ZNF627: variants seen among roughly 807,000 people sequenced by gnomAD.
The protein encoded by ZNF627 is zinc finger protein 627.
In ZNF627, 12 loss-of-function variants were observed where a neutral mutation model predicts 10.6. The observed-to-expected ratio is 1.13, with a 90% CI of 0.73 to 1.84. The LOEUF (loss-of-function observed/expected upper bound fraction) is 1.84. Ranked by LOEUF, ZNF627 falls within the 40% of genes most tolerant of loss-of-function variation. The pLI is 0.00. For missense variants in ZNF627, 504 were observed against 568.4 expected (o/e 0.89, Z 1.15); for synonymous variants, 176 against 187.1 (o/e 0.94, Z 0.48).
chr19:11,614,946 ATTTTTTT>A, intron 3 of ZNF627, 59 bp downstream of exon 3: 3 of 939,168 alleles, frequency 3.2e-6, no homozygotes, highest in Non-Finnish European at 4.5e-6. Context: ...ATTGTTAGGA[ATTTTTTT>A]TTTTTTTTTT....
At chr19:11,602,473 T>C (rs551054709) in intron 1 of ZNF627, among the ~76,000 whole-genome samples, 1 of 152,222 alleles carries the variant, frequency 6.6e-6, no homozygotes, top group Non-Finnish European at 1.5e-5. Flanking sequence ...ACCATAGCTA[T>C]TTCCAGGATT....
At chr19:11,612,233 G>T (rs1240394316) in intron 1 of ZNF627, among the ~76,000 whole-genome samples, 1 of 145,770 alleles carries the variant, frequency 6.9e-6, no homozygotes, top group Non-Finnish European at 1.5e-5. Flanking sequence ...CCATTCTCTT[G>T]CCTCAGCCTC....
At chr19:11,612,342 G>A (rs544598117) in intron 1 of ZNF627, among the ~76,000 whole-genome samples, 5 of 150,212 alleles carry the variant, frequency 3.3e-5, no homozygotes, top group East Asian at 3.9e-4. Flanking sequence ...GGATGGTCTC[G>A]ATCTCCTGAC....
chr19:11,614,478 A>G (rs768224779), intron 1 of ZNF627, 49 bp from the exon 2 acceptor site: 10 of 1,611,448 alleles, frequency 6.2e-6, no homozygotes, highest in Non-Finnish European at 8.5e-6. Context: ...CTAGGCCCCC[A>G]GTGCTGTCTG....
Position 11,617,184 on chromosome 19 carries a change from A to G in ZNF627, c.681A>G (p.Gln227=). 6.2e-7 allele frequency: 1 copy of G among 1,613,762 alleles called. No individual in the cohort carries two copies. The highest frequency in any genetic ancestry group is 8.5e-7 in the Non-Finnish European group (1 of 1,179,932). ...HTGEKPYECK[Q]CGKAFSCSSY... is the part of the protein sequence containing the mutation. ...GAGAGAAACCTTATGAATGCAAGCA[A>G]TGTGGGAAAGCCTTCAGTTGTTCCA... is the stretch of plus-strand genomic sequence containing the variant. Residue 227 remains glutamine (Q), a synonymous_variant, in exon 4 of 4, where the codon CAA becomes CAG. Transcript: ENST00000361113.
chr19:11,617,581 G>T lies in ZNF627; in HGVS notation c.1078G>T (p.Glu360Ter). ...AATCCATGAAAGGACCCACACTGGA[G>T]AGAAACCCTATGATTGTAAGCAATG... Reference protein sequence around the residue: ...FRIHERTHTGEKPYDCKQCGK... With the variant: ...FRIHERTHTG Residue 360 changes from glutamate (E) to a stop codon, truncating the protein, a stop_gained, in exon 4 of 4, where the codon GAG (glutamate) becomes TAG (stop). Transcript: ENST00000361113. LOFTEE classifies it low-confidence loss of function (END_TRUNC). 2 of 1,613,906 alleles carry T rather than the reference G, an allele frequency of 1.2e-6. No homozygotes were observed. The highest frequency in any genetic ancestry group is 1.7e-6 in the Non-Finnish European group (2 of 1,179,962).
At chr19:11,614,684 A>C (rs758118555) in intron 2 of ZNF627, 31 bp downstream of exon 2, 1 of 1,613,544 alleles carries the variant, frequency 6.2e-7, no homozygotes, top group Non-Finnish European at 8.5e-7. Flanking sequence ...TTCCTCAGTG[A>C]ATTAGAGAAC....
rs188050277 is a variant in ZNF627, at chr19:11,617,934, T to G, written c.*45T>G. Reference sequence around the variant, plus strand: ...GAGAAACCCCATGAAAGTAAGAAATTTGGGAAAGCCTTCAGTCCTTTCTGT... The same window carrying G: ...GAGAAACCCCATGAAAGTAAGAAATGTGGGAAAGCCTTCAGTCCTTTCTGT... On this transcript the variant is annotated 3_prime_UTR_variant, in exon 4 of 4. Coordinates refer to ENST00000361113, the MANE Select transcript of ZNF627 (RefSeq NM_145295.4). 2.8e-6 allele frequency: 4 copies of G among 1,444,422 alleles called. No individual in the cohort carries two copies. Among genetic ancestry groups the G allele is most frequent in the Admixed American group, 2.4e-5 (1 of 40,914 alleles). 89.5% of individuals were successfully genotyped at this position (1,444,422 alleles called of 1,614,324 possible).
At chr19:11,603,995 TG>T (rs1024932202) in intron 1 of ZNF627, among the ~76,000 whole-genome samples, 1 of 151,036 alleles carries the variant, frequency 6.6e-6, no homozygotes, top group South Asian at 2.1e-4. Flanking sequence ...TTTTGGTAGA[TG>T]GGGGTCTCAC....
intron 1 of ZNF627, among the ~76,000 whole-genome samples, chr19:11,609,757 A>G (rs2145132349): frequency 6.6e-6 from 1 of 151,710 alleles, no homozygotes; most frequent in Admixed American, 6.6e-5. Context: ...TGACCTTGTG[A>G]TCCGCCCACC....
chr19:11,617,851 C>T lies in ZNF627; in HGVS notation c.1348C>T (p.Pro450Ser). 1.9e-6 allele frequency: 3 copies of T among 1,578,272 alleles called. No individual in the cohort carries two copies. In the South Asian group the frequency reaches 3.5e-5, roughly 19 times the overall value. ...TACTGGAGAGAAACCCTATGAGAAC[C>T]CTAACCCTAACGCTTCAGTTGTCCC... ...IHTGEKPYENPNPNASVVPVL... is the reference protein window; with the variant it reads ...IHTGEKPYENSNPNASVVPVL... Residue 450 changes from proline (P) to serine (S), a missense_variant, in exon 4 of 4, where the codon CCT becomes TCT. Coordinates refer to ENST00000361113, the MANE Select transcript of ZNF627 (RefSeq NM_145295.4).
chr19:11,599,502 CA>C (rs1444440063), intron 1 of ZNF627, among the ~76,000 whole-genome samples: 10 of 152,124 alleles, frequency 6.6e-5, no homozygotes, highest in African/African-American at 2.2e-4. Flanking sequence ...ACTTGAAAAG[CA>C]AAATGTACTT....
intron 3 of ZNF627, 38 bp from the exon 4 acceptor site, chr19:11,616,657 C>CA: frequency 7.4e-7 from 1 of 1,353,438 alleles, no homozygotes. Flanking sequence ...CATTTATAAA[C>CA]AAAACATTAA....
intron 1 of ZNF627, among the ~76,000 whole-genome samples, chr19:11,613,646 G>A (rs536414482): frequency 8.2e-4 from 125 of 152,110 alleles, no homozygotes; most frequent in Admixed American, 3.1e-3. Flanking sequence ...GTGAGCCACC[G>A]TGCCCAGCCA....
At chr19:11,599,657 G>A (rs1207073527) in intron 1 of ZNF627, among the ~76,000 whole-genome samples, 1 of 152,120 alleles carries the variant, frequency 6.6e-6, no homozygotes, top group Non-Finnish European at 1.5e-5. Context: ...TGTAATCCCA[G>A]CACTTTGGGA....
chr19:11,598,667 G>A (rs914785807), intron 1 of ZNF627, among the ~76,000 whole-genome samples: 6 of 152,010 alleles, frequency 3.9e-5, no homozygotes, highest in Non-Finnish European at 7.4e-5. Context: ...CTCCAGTCAC[G>A]ACATTATCAA....
intron 1 of ZNF627, among the ~76,000 whole-genome samples, chr19:11,613,874 G>A (rs891438664): frequency 6.6e-6 from 1 of 151,704 alleles, no homozygotes; most frequent in Admixed American, 6.6e-5. Flanking sequence ...ACAGTCTCAG[G>A]GTGGCTAATG....
chr19:11,615,767 G>C (rs1326667787), intron 3 of ZNF627, among the ~76,000 whole-genome samples: 1 of 142,760 alleles, frequency 7.0e-6, no homozygotes, highest in Non-Finnish European at 1.5e-5. Flanking sequence ...GCCCAGGCTG[G>C]AGTGCAAGGG....
chr19:11,597,623 G>A lies in ZNF627; in HGVS notation c.-5G>A, dbSNP rs1339538729. 1.5e-6 allele frequency: 2 copies of A among 1,334,014 alleles called. No individual in the cohort carries two copies. The highest frequency in any genetic ancestry group is 1.9e-6 in the Non-Finnish European group (2 of 1,035,582). The allele number at this position is 1,334,014 out of a possible 1,614,324, so 82.6% of individuals were successfully genotyped here. A position where few individuals can be genotyped will look rare whatever the true frequency, so the allele number is the denominator to read the frequency against. ...GAGGACGCCGGGACACCTGGAAGCC[G>A]AGAAATGGTGCGTGTGAGGGGTCAG... On this transcript the variant is annotated 5_prime_UTR_variant, in exon 1 of 4. Transcript: ENST00000361113.
Sources: gnomAD v4.1 joint callset for allele counts (sites outside exome capture counted in the v4.1 genomes callset) on GRCh38, gnomAD v4.1.1 for gene constraint, MANE v1.5 for transcripts, NCBI Gene and HGNC (gene_info 2026-07-23, HGNC 2026-07-21) for gene names.